FGF10: variants seen among roughly 807,000 people sequenced by gnomAD.
FGF10 encodes fibroblast growth factor 10, also known as FGF-10.
In FGF10, 2 loss-of-function variants were observed where a neutral mutation model predicts 19.8. The observed-to-expected ratio is 0.10, with a 90% confidence interval of 0.04 to 0.32. The LOEUF is 0.32. FGF10 is among the 10% of genes least tolerant of loss of function. The pLI is 1.00. For missense variants in FGF10, 191 were observed against 246.3 expected, an observed-to-expected ratio of 0.78 and a Z score of 1.50; for synonymous variants, 112 against 94.0, an observed-to-expected ratio of 1.19 and a Z score of -1.10.
chr5:44,329,148 C>A (rs150067705), intron 1 of FGF10, among the ~76,000 whole-genome samples: 1 of 152,086 alleles, frequency 6.6e-6, no homozygotes, highest in East Asian at 1.9e-4. Context: ...TCATTGATTC[C>A]TTTTGGTTTT....
At chr5:44,341,106 G>T (rs201528630) in intron 1 of FGF10, among the ~76,000 whole-genome samples, 1 of 151,856 alleles carries the variant, frequency 6.6e-6, no homozygotes, top group African/African-American at 2.4e-5. Flanking sequence ...CAGTTCTAGC[G>T]TAAAAGTTTG....
In FGF10 at chr5:44,304,847, C is replaced by T; in HGVS notation, c.*148G>A. 2.6e-6 allele frequency: 2 copies of T among 755,720 alleles called. No homozygotes were observed. Among genetic ancestry groups the T allele is most frequent in the South Asian group, 3.1e-5 (2 of 65,002 alleles). The allele number at this position is 755,720 out of a possible 1,614,324, so 46.8% of individuals were successfully genotyped here. A position where few individuals can be genotyped will look rare whatever the true frequency, so the allele number is the denominator to read the frequency against. ...GAACATCATATGTCAGCAGTGAATA[C>T]AAAAACCTTCAAAGGCTGGCTTTCT... On this transcript the variant is annotated 3_prime_UTR_variant, in exon 3 of 3. Transcript: ENST00000264664.
rs936008272 is a variant in FGF10 at position 44,301,352 on chromosome 5, C to A, written c.*3643G>T. On this transcript the variant is annotated 3_prime_UTR_variant, in exon 3 of 3. Coordinates refer to ENST00000264664, the MANE Select transcript of FGF10 (RefSeq NM_004465.2). The stretch of plus-strand genomic sequence containing the variant: ...TTTTACTTCACTGAATAATCACAAA[C>A]CTTGAATTGGCAGCATCCAAATTAT... Among the ~76,000 whole-genome samples the A allele has an allele frequency of 3.3e-5, 5 of 152,120 alleles. No individual in the cohort carries two copies. The highest frequency in any genetic ancestry group is 7.4e-5 in the Non-Finnish European group (5 of 68,020).
chr5:44,323,800 T>A (rs1240013481), intron 1 of FGF10, among the ~76,000 whole-genome samples: 1 of 152,112 alleles, frequency 6.6e-6, no homozygotes, highest in African/African-American at 2.4e-5. Flanking sequence ...CTTACATTGT[T>A]TTAAAGTAGT....
chr5:44,342,973 A>G (rs1046262230), intron 1 of FGF10, among the ~76,000 whole-genome samples: 1 of 152,012 alleles, frequency 6.6e-6, no homozygotes, highest in African/African-American at 2.4e-5. Context: ...TCACCATTCC[A>G]TCAAAGTTCC....
chr5:44,310,533 A>G lies in FGF10; in HGVS notation c.326-3T>C, dbSNP rs1190714240. On this transcript the variant is annotated splice_polypyrimidine_tract_variant and splice_region_variant and intron_variant, in intron 1 of 2. Coordinates refer to ENST00000264664, the MANE Select transcript of FGF10 (RefSeq NM_004465.2). ...TACTGATGTTATCTCCAGGATGCCT[A>G]AAACATACAATTTTAAAAGGCTAAA... 1 of 1,596,546 alleles carries G rather than the reference A, an allele frequency of 6.3e-7. No individual in the cohort carries two copies. Among genetic ancestry groups the G allele is most frequent in the African/African-American group, 1.3e-5 (1 of 74,496 alleles).
Position 44,388,358 on chromosome 5 carries a change from T to C in FGF10, c.325A>G (p.Ser109Gly). ...SGTKKENCPY[S>G]ILEITSVEIG... ...AGGGGAGCATGCATTTGTTACTTAC[T>C]GTACGGGCAGTTCTCCTTCTTGGTC... Residue 109 changes from serine (S) to glycine (G), a missense_variant and splice_region_variant, in exon 1 of 3, where the codon AGC becomes GGC. This residue lies in a region of FGF10 where 99 missense variants were observed against 161.7 expected (regional missense o/e 0.61). Coordinates refer to ENST00000264664, the MANE Select transcript of FGF10 (RefSeq NM_004465.2). The C allele has an allele frequency of 6.2e-6, 10 of 1,613,044 alleles. No homozygotes were observed. The highest frequency in any genetic ancestry group is 8.5e-6 in the Non-Finnish European group (10 of 1,179,818).
intron 1 of FGF10, among the ~76,000 whole-genome samples, chr5:44,313,536 T>A (rs1334447832): frequency 6.6e-6 from 1 of 151,978 alleles, no homozygotes; most frequent in Non-Finnish European, 1.5e-5. Flanking sequence ...CCCGTGTTTC[T>A]TACAAGTTTA....
At chr5:44,352,327 C>A (rs751968186) in intron 1 of FGF10, among the ~76,000 whole-genome samples, 3 of 151,598 alleles carry the variant, frequency 2.0e-5, no homozygotes, top group Non-Finnish European at 4.4e-5. Flanking sequence ...ACAGAGGGAA[C>A]TCATGCCTGG....
chr5:44,375,916 A>G (rs1423134953), intron 1 of FGF10, among the ~76,000 whole-genome samples: 2 of 152,150 alleles, frequency 1.3e-5, no homozygotes, highest in Non-Finnish European at 2.9e-5. Context: ...TAAACATAGT[A>G]TGGGTATAAC....
At chr5:44,358,714 C>T (rs1741407056) in intron 1 of FGF10, among the ~76,000 whole-genome samples, 1 of 151,442 alleles carries the variant, frequency 6.6e-6, no homozygotes, top group Non-Finnish European at 1.5e-5. Flanking sequence ...GCTAGCTCAC[C>T]CCAGGCTTGC....
At chr5:44,362,750 C>G (rs1014055720) in intron 1 of FGF10, among the ~76,000 whole-genome samples, 1 of 151,474 alleles carries the variant, frequency 6.6e-6, no homozygotes, top group African/African-American at 2.4e-5. Context: ...ATCCTTTACC[C>G]TCTGCTAAAG....
Position 44,326,675 on chromosome 5 carries a change from T to C in FGF10, c.326-16145A>G, listed in dbSNP as rs533342130. On this transcript the variant is annotated intron_variant, in intron 1 of 2. Transcript: ENST00000264664. ...CCTCCCATCTCAGCCTCCCAAAGTG[T>C]TGAGACCACCCTTAGTTTATTGAAA... 2.6e-5 allele frequency among the ~76,000 whole-genome samples: 4 copies of C among 152,092 alleles called. No homozygotes were observed. In the East Asian group the frequency reaches 7.7e-4, roughly 29 times the overall value.
At chr5:44,366,127 C>CTTTTTTTTTTTTTTTTTTTTTTTTTTTTT (rs35522683) in intron 1 of FGF10, among the ~76,000 whole-genome samples, 1 of 74,810 alleles carries the variant, frequency 1.3e-5, no homozygotes. Flanking sequence ...CAATTATTTC[C>CTTTTTTTTTTTTTTTTTTTTTTTTTTTTT]TTTTTTTTTT....
chr5:44,330,185 T>C (rs1476488025), intron 1 of FGF10, among the ~76,000 whole-genome samples: 1 of 152,184 alleles, frequency 6.6e-6, no homozygotes, highest in Non-Finnish European at 1.5e-5. Context: ...AGGAGCATTA[T>C]AAACAAGGTG....
chr5:44,351,715 A>AC (rs1338672749), intron 1 of FGF10, among the ~76,000 whole-genome samples: 1 of 151,610 alleles, frequency 6.6e-6, no homozygotes, highest in African/African-American at 2.4e-5. Flanking sequence ...ATATTTTACT[A>AC]CCATTATTAG....
chr5:44,330,362 A>T (rs2111755906), intron 1 of FGF10, among the ~76,000 whole-genome samples: 1 of 152,302 alleles, frequency 6.6e-6, no homozygotes, highest in East Asian at 1.9e-4. Context: ...TATAACAGGG[A>T]TAGGAAGTTG....
At chr5:44,380,080 G>GAC (rs1485825723) in intron 1 of FGF10, among the ~76,000 whole-genome samples, 2 of 152,094 alleles carry the variant, frequency 1.3e-5, no homozygotes, top group Admixed American at 6.5e-5. Flanking sequence ...CCCAAAAAAT[G>GAC]ACACCCAAAA....
chr5:44,347,844 T>C (rs564331458), intron 1 of FGF10, among the ~76,000 whole-genome samples: 1 of 151,870 alleles, frequency 6.6e-6, no homozygotes, highest in African/African-American at 2.4e-5. Flanking sequence ...ATTGTTCCTA[T>C]AGAAAAACTA....
Sources: gnomAD v4.1 joint callset for allele counts (sites outside exome capture counted in the v4.1 genomes callset) on GRCh38, gnomAD v4.1.1 for gene constraint, gnomAD v4.1.1 regional missense constraint, MANE v1.5 for transcripts, NCBI Gene and HGNC (gene_info 2026-07-23, HGNC 2026-07-21) for gene names.